Variants in GRIA1 observed in about 807,000 individuals in gnomAD.
GRIA1 encodes glutamate receptor 1.
GRIA1 carries 31 observed loss-of-function variants against 99.2 expected under a neutral mutation model. The ratio of observed to expected loss-of-function variants is 0.31; its 90% CI spans 0.23 to 0.42. GRIA1 has a LOEUF of 0.42. Ranked by LOEUF, GRIA1 falls within the 10% of genes least tolerant of loss-of-function variation. The pLI is 1.00. For missense variants in GRIA1, 782 were observed against 1,157.5 expected (o/e 0.68, Z 4.71); for synonymous variants, 438 against 432.4 (o/e 1.01, Z -0.16).
chr5:153,768,120 G>T (rs1396588198), intron 12 of GRIA1, among the ~76,000 whole-genome samples: 1 of 152,188 alleles, frequency 6.6e-6, no homozygotes, highest in Admixed American at 6.5e-5. Flanking sequence ...CTGCAAATCT[G>T]GTCACAGCTG....
intron 2 of GRIA1, among the ~76,000 whole-genome samples, chr5:153,638,490 T>C (rs1753550469): frequency 6.6e-6 from 1 of 152,248 alleles, no homozygotes; most frequent in African/African-American, 2.4e-5. Flanking sequence ...CTCTGGCTGG[T>C]AGCTTAGTAA....
chr5:153,510,586 G>A (rs916767669), intron 2 of GRIA1, among the ~76,000 whole-genome samples: 14 of 152,230 alleles, frequency 9.2e-5, no homozygotes, highest in South Asian at 2.1e-4. Context: ...GGGTTTCTCC[G>A]GAGCTCTGCA....
chr5:153,674,811 G>A (rs1756450989), intron 6 of GRIA1, 150 bp downstream of exon 6: 1 of 831,750 alleles, frequency 1.2e-6, no homozygotes, highest in Non-Finnish European at 1.8e-6. Context: ...TAGGTACAAG[G>A]TGCAGGGGTC....
At chr5:153,622,358 A>G (rs1169799677) in intron 2 of GRIA1, among the ~76,000 whole-genome samples, 1 of 152,202 alleles carries the variant, frequency 6.6e-6, no homozygotes, top group Admixed American at 6.5e-5. Context: ...TGAAGGGCTG[A>G]TGTTAGAGCA....
intron 11 of GRIA1, among the ~76,000 whole-genome samples, chr5:153,735,438 A>G (rs549344508): frequency 6.6e-6 from 1 of 152,322 alleles, no homozygotes; most frequent in South Asian, 2.1e-4. Flanking sequence ...ACCAGTAATT[A>G]GAACGGAACA....
rs557966849 is a variant in GRIA1, at chr5:153,767,148, G to GA, written c.2022+2524dup. On this transcript the variant is annotated intron_variant, in intron 12 of 15. Transcript: ENST00000285900. ...GCATTCCTACCCTAAAGTAAAACCT[G>GA]AAAAAAAAGGCATAATTATTAGTAG... 4.6e-5 allele frequency among the ~76,000 whole-genome samples: 7 copies of GA among 151,734 alleles called. No homozygotes were observed. In the South Asian group the frequency reaches 1.0e-3, roughly 23 times the overall value.
intron 11 of GRIA1, among the ~76,000 whole-genome samples, chr5:153,740,431 C>A (rs2149573291): frequency 6.6e-6 from 1 of 152,304 alleles, no homozygotes; most frequent in Middle Eastern, 3.4e-3. Context: ...CAGTGTCAGG[C>A]ACATAGTAGC....
chr5:153,717,783 A>G (rs1046498080), intron 11 of GRIA1, among the ~76,000 whole-genome samples: 7 of 152,318 alleles, frequency 4.6e-5, no homozygotes, highest in Middle Eastern at 3.4e-3. Context: ...TGCCAGCCAC[A>G]TTCTAACTTC....
chr5:153,681,422 C>T (rs1205282130), intron 7 of GRIA1, among the ~76,000 whole-genome samples: 1 of 152,110 alleles, frequency 6.6e-6, no homozygotes, highest in African/African-American at 2.4e-5. Context: ...GTAATGGAAC[C>T]GTTAAATGTA....
chr5:153,796,124 C>T (rs540024185), intron 14 of GRIA1, among the ~76,000 whole-genome samples: 12 of 150,400 alleles, frequency 8.0e-5, no homozygotes, highest in Admixed American at 2.7e-4. Flanking sequence ...GAATTGGCCT[C>T]CAAGCAGGGT....
intron 2 of GRIA1, among the ~76,000 whole-genome samples, chr5:153,591,309 A>C (rs1469883460): frequency 6.6e-6 from 1 of 152,210 alleles, no homozygotes. Context: ...TTTCAAAACC[A>C]TTCCAACGAT....
intron 2 of GRIA1, among the ~76,000 whole-genome samples, chr5:153,582,232 A>G (rs1046096915): frequency 6.6e-6 from 1 of 152,164 alleles, no homozygotes; most frequent in Non-Finnish European, 1.5e-5. Flanking sequence ...TGTGTTTCTG[A>G]AGGTTTTATG....
At chr5:153,647,442 C>A (rs937685918) in intron 3 of GRIA1, among the ~76,000 whole-genome samples, 1 of 152,130 alleles carries the variant, frequency 6.6e-6, no homozygotes, top group Non-Finnish European at 1.5e-5. Context: ...GGACCTCAGA[C>A]TTTGGAGTCA....
At chr5:153,744,346 A>G (rs1233150819) in intron 11 of GRIA1, among the ~76,000 whole-genome samples, 1 of 152,236 alleles carries the variant, frequency 6.6e-6, no homozygotes, top group Non-Finnish European at 1.5e-5. Flanking sequence ...TCTATAACAA[A>G]TGCTTTCCTG....
At chr5:153,548,551 C>T (rs1284579281) in intron 2 of GRIA1, among the ~76,000 whole-genome samples, 1 of 152,106 alleles carries the variant, frequency 6.6e-6, no homozygotes, top group Non-Finnish European at 1.5e-5. Context: ...ATATTTCAAT[C>T]AGGCCAATTT....
chr5:153,540,682 C>G (rs1036590009), intron 2 of GRIA1, among the ~76,000 whole-genome samples: 22 of 152,114 alleles, frequency 1.4e-4, no homozygotes, highest in African/African-American at 5.1e-4. Flanking sequence ...AAAAAATAAA[C>G]AAATAAACGG....
upstream of GRIA1, chr5:153,489,982 G>A (rs1753766061): frequency 5.3e-6 from 2 of 378,000 alleles, no homozygotes; most frequent in African/African-American, 4.2e-5. Context: ...GGTAGACAGG[G>A]ACTGTCAAAT....
chr5:153,589,935 C>T (rs1763810909), intron 2 of GRIA1, among the ~76,000 whole-genome samples: 1 of 152,158 alleles, frequency 6.6e-6, no homozygotes, highest in Non-Finnish European at 1.5e-5. Context: ...AATGTGATTG[C>T]ACAGTACTAT....
rs192665411 is a variant in GRIA1, at chr5:153,723,576, G to A, written c.1823+17509G>A. ...TTTTCCAATGGACTTAAAAAACGGC[G>A]CACCAGGAGATTATATCCCCCACCT... On this transcript the variant is annotated intron_variant, in intron 11 of 15. Coordinates refer to ENST00000285900, the MANE Select transcript of GRIA1 (RefSeq NM_000827.4). Among the ~76,000 whole-genome samples the A allele has an allele frequency of 3.2e-3, 482 of 152,268 alleles. 3 individuals carry two copies. The highest frequency in any genetic ancestry group is 9.9e-3 in the African/African-American group (411 of 41,562).
Sources: allele counts gnomAD v4.1 joint callset (sites outside exome capture counted in the v4.1 genomes callset), GRCh38; gene constraint gnomAD v4.1.1; transcripts MANE v1.5; gene names NCBI Gene and HGNC (gene_info 2026-07-23, HGNC 2026-07-21).